MED4: variants seen among roughly 807,000 people sequenced by gnomAD.
MED4 encodes mediator complex subunit 4.
MED4 carries 21 observed loss-of-function variants against 35.0 expected under a neutral mutation model. The observed-to-expected ratio is 0.60, with a 90% CI of 0.43 to 0.86. MED4 has a LOEUF of 0.86. Ranked by LOEUF, MED4 falls within the 40% of genes least tolerant of loss-of-function variation. The probability of loss-of-function intolerance (pLI) is 0.00; values close to 1 mark genes in which losing one functional copy is unlikely to be tolerated. For missense variants in MED4, 300 were observed against 319.4 expected, an observed-to-expected ratio of 0.94 and a Z score of 0.46; for synonymous variants, 138 against 114.0, an observed-to-expected ratio of 1.21 and a Z score of -1.34.
At chr13:48,092,064 G>A (rs73481228) in intron 1 of MED4, among the ~76,000 whole-genome samples, 5,368 of 152,218 alleles carry the variant, frequency 0.035, 210 homozygotes, top group East Asian at 0.096. Context: ...GTGAGATTAC[G>A]TAGGGCCTTA....
chr13:48,080,923 TAGC>T (rs2137829730), intron 5 of MED4, among the ~76,000 whole-genome samples: 1 of 152,324 alleles, frequency 6.6e-6, no homozygotes, highest in African/African-American at 2.4e-5. Flanking sequence ...GCACACTAAA[TAGC>T]AGTATGTGGT....
intron 1 of MED4, among the ~76,000 whole-genome samples, chr13:48,090,641 C>A (rs142276009): frequency 3.9e-5 from 6 of 152,290 alleles, no homozygotes; most frequent in African/African-American, 1.4e-4. Context: ...AGAGTTCTTT[C>A]TATAAAAACC....
chr13:48,080,056 G>C (rs556008434), intron 5 of MED4, 81 bp from the exon 6 acceptor site: 3 of 1,449,132 alleles, frequency 2.1e-6, no homozygotes, highest in Non-Finnish European at 2.8e-6. Flanking sequence ...ACTCATTTTC[G>C]CTGGTTCATG....
chr13:48,076,897 C>T lies in MED4; in HGVS notation c.*242G>A. On this transcript the variant is annotated 3_prime_UTR_variant, in exon 7 of 7. Transcript: ENST00000258648. ...AGGGTAAGAAAGCACATAGCAACTG[C>T]TTTTTCAACAGTAAATTTTGACTAT... 5.1e-6 allele frequency: 2 copies of T among 393,712 alleles called. No individual in the cohort carries two copies. Among genetic ancestry groups the T allele is most frequent in the South Asian group, 8.1e-5 (2 of 24,558 alleles). 24.4% of individuals were successfully genotyped at this position (393,712 alleles called of 1,614,324 possible).
At chr13:48,079,162 A>G (rs1459286911) in intron 6 of MED4, among the ~76,000 whole-genome samples, 5 of 152,238 alleles carry the variant, frequency 3.3e-5, no homozygotes, top group Non-Finnish European at 7.3e-5. Context: ...ATAAAGTTAT[A>G]AAAGTTTATA....
At chr13:48,077,341 C>A in intron 6 of MED4, 30 bp from the exon 7 acceptor site, 1 of 1,418,266 alleles carries the variant, frequency 7.1e-7, no homozygotes, top group East Asian at 2.7e-5. Context: ...TAGATAAGAA[C>A]AGCTCTATCT....
intron 4 of MED4, 30 bp from the exon 5 acceptor site, chr13:48,081,761 CT>C: frequency 7.1e-7 from 1 of 1,403,116 alleles, no homozygotes; most frequent in Non-Finnish European, 9.9e-7. Flanking sequence ...ACAGTATAAC[CT>C]GTAGTCTAAC....
chr13:48,088,314 C>T (rs539034804), intron 2 of MED4, among the ~76,000 whole-genome samples: 1 of 152,290 alleles, frequency 6.6e-6, no homozygotes, highest in East Asian at 1.9e-4. Context: ...ACAGGTATGC[C>T]TCTTCAAGAT....
At position 48,081,796 on chromosome 13, in the gene MED4, T is replaced by C. The variant is rs907612821; in HGVS notation, c.422-65A>G. On this transcript the variant is annotated intron_variant, in intron 4 of 6. Coordinates refer to ENST00000258648, the MANE Select transcript of MED4 (RefSeq NM_014166.4). The stretch of plus-strand genomic sequence containing the variant: ...ACAAACATACAAGTTTAGAAATGTA[T>C]CTATCAGTTACACATCGTATTTAAT... The C allele has an allele frequency of 1.2e-5, 12 of 973,700 alleles. No individual in the cohort carries two copies. The African/African-American group carries it at 1.5e-4, about 12-fold the overall frequency. The allele number at this position is 973,700 out of a possible 1,614,324, so 60.3% of individuals were successfully genotyped here.
chr13:48,089,246 T>C (rs766511951), intron 2 of MED4, among the ~76,000 whole-genome samples: 22 of 152,206 alleles, frequency 1.4e-4, no homozygotes, highest in Non-Finnish European at 2.6e-4. Flanking sequence ...TCCTAGCTTG[T>C]GGCCTCATCT....
At position 48,086,293 on chromosome 13, in the gene MED4, C is replaced by T. The variant is rs1473043947; in HGVS notation, c.352G>A (p.Glu118Lys). 1.2e-6 allele frequency: 2 copies of T among 1,613,646 alleles called. No homozygotes were observed. The highest frequency in any genetic ancestry group is 1.7e-6 in the Non-Finnish European group (2 of 1,179,852). The change falls in exon 3 of 7, where the codon GAA (glutamate) becomes AAA (lysine). Residue 118 changes from glutamate (E) to lysine (K), a missense_variant. Physicochemically the swap from Glu to Lys is moderately conservative, Grantham distance 56. Transcript: ENST00000258648. ...QQLQKQLKEA[E>K]QILATAVYQA... is the part of the protein sequence containing the mutation. ...CTCTGTCAACTTACCAGTATTTGTTCTGCTTCCTTTAGCTGTTTTTGTAGC... is the reference window on the plus strand; with the variant it reads ...CTCTGTCAACTTACCAGTATTTGTTTTGCTTCCTTTAGCTGTTTTTGTAGC...
At position 48,084,107 on chromosome 13, in the gene MED4, A is replaced by G. The variant is rs530624124; in HGVS notation, c.364-679T>C. 1.5e-3 allele frequency among the ~76,000 whole-genome samples: 229 copies of G among 152,234 alleles called. 1 individual carries two copies. The highest frequency in any genetic ancestry group is 2.4e-3 in the Non-Finnish European group (163 of 68,008). On this transcript the variant is annotated intron_variant, in intron 3 of 6. Transcript: ENST00000258648. The stretch of plus-strand genomic sequence containing the variant: ...AAAAACCCATCTCTACTAAAAATAC[A>G]AAAAATTTATATGGGCATGGTGACA...
chr13:48,092,099 C>T (rs1285357107), intron 1 of MED4, among the ~76,000 whole-genome samples: 1 of 151,972 alleles, frequency 6.6e-6, no homozygotes, highest in African/African-American at 2.4e-5. Context: ...ATTAGTGTTT[C>T]ATTCTTTTTT....
At chr13:48,089,344 A>G (rs546264149) in intron 2 of MED4, among the ~76,000 whole-genome samples, 9 of 152,316 alleles carry the variant, frequency 5.9e-5, no homozygotes, top group Admixed American at 3.9e-4. Flanking sequence ...AGACAGAACT[A>G]AGGTAATGAT....
At chr13:48,078,113 C>T (rs1231263982) in intron 6 of MED4, among the ~76,000 whole-genome samples, 1 of 152,112 alleles carries the variant, frequency 6.6e-6, no homozygotes, top group East Asian at 1.9e-4. Flanking sequence ...GCCCAAGTTA[C>T]ATTTAAAGTC....
At chr13:48,081,998 G>A (rs904107928) in intron 4 of MED4, among the ~76,000 whole-genome samples, 6 of 152,062 alleles carry the variant, frequency 3.9e-5, no homozygotes, top group African/African-American at 1.4e-4. Flanking sequence ...ATTAACTACC[G>A]TTAAATACCA....
rs571366066 is a variant in MED4 at position 48,090,253 on chromosome 13, C to T, written c.192+99G>A. 161 of 927,990 alleles carry T rather than the reference C, an allele frequency of 1.7e-4. 3 individuals carry two copies. In the South Asian group the frequency reaches 2.6e-3, roughly 15 times the overall value. 57.5% of individuals were successfully genotyped at this position (927,990 alleles called of 1,614,324 possible). The stretch of plus-strand genomic sequence containing the variant: ...AAAGGATCCAACATTCCTGTTCCCA[C>T]ACAAAGTAAATATAAAGAGGAAACT... On this transcript the variant is annotated intron_variant, in intron 2 of 6. Coordinates refer to ENST00000258648, the MANE Select transcript of MED4 (RefSeq NM_014166.4).
At chr13:48,078,879 G>C (rs2137827130) in intron 6 of MED4, among the ~76,000 whole-genome samples, 1 of 152,242 alleles carries the variant, frequency 6.6e-6, no homozygotes, top group East Asian at 1.9e-4. Flanking sequence ...ACAGCCTTAT[G>C]ATGTAACATT....
In MED4 at chr13:48,081,688, G is replaced by T; in HGVS notation, c.465C>A (p.Ile155=). The stretch of plus-strand genomic sequence containing the variant: ...GAGCACATACAGCATTACTTGCACT[G>T]ATCCTATGTGCATACTTAATTATTT... The part of the protein sequence containing the change: ...SEEIIKYAHR[I]SASNAVCAPL... Residue 155 remains isoleucine (I), a synonymous_variant, in exon 5 of 7, where the codon ATC becomes ATA. Coordinates refer to ENST00000258648, the MANE Select transcript of MED4 (RefSeq NM_014166.4). 6.2e-7 allele frequency: 1 copy of T among 1,612,196 alleles called. No homozygotes were observed. Among genetic ancestry groups the T allele is most frequent in the South Asian group, 1.1e-5 (1 of 90,616 alleles).
Sources: allele counts gnomAD v4.1 joint callset (sites outside exome capture counted in the v4.1 genomes callset), GRCh38; gene constraint gnomAD v4.1.1; transcripts MANE v1.5; gene names NCBI Gene and HGNC (gene_info 2026-07-23, HGNC 2026-07-21).